AKR1B1: variants seen among roughly 807,000 people sequenced by gnomAD.
The protein encoded by AKR1B1 is aldo-keto reductase family 1 member B1.
A neutral mutation model predicts 40.4 loss-of-function variants in AKR1B1; 22 were observed. The ratio of observed to expected loss-of-function variants is 0.54; its 90% CI spans 0.39 to 0.78. The LOEUF is 0.78. Among genes scored for constraint, AKR1B1 ranks in the 30% least tolerant of loss-of-function variants. The pLI, the probability that AKR1B1 is intolerant of heterozygous loss-of-function variation, is 0.00. For synonymous variants in AKR1B1, 157 were observed against 149.9 expected, an observed-to-expected ratio of 1.05 and a Z score of -0.35; for missense variants, 357 against 396.7, an observed-to-expected ratio of 0.90 and a Z score of 0.85.
chr7:134,454,829 G>A (rs997376803), intron 1 of AKR1B1, among the ~76,000 whole-genome samples: 2 of 152,206 alleles, frequency 1.3e-5, no homozygotes, highest in African/African-American at 2.4e-5. Flanking sequence ...AATCAGGTTT[G>A]GCAGCAGAAA....
chr7:134,447,167 G>A (rs747519163), intron 8 of AKR1B1, 131 bp downstream of exon 8: 46 of 881,488 alleles, frequency 5.2e-5, no homozygotes, highest in African/African-American at 2.3e-4. Flanking sequence ...TGGCTTGCTC[G>A]CCACAGCTCC....
intron 3 of AKR1B1, 112 bp downstream of exon 3, chr7:134,450,674 T>C: frequency 8.3e-6 from 7 of 847,634 alleles, no homozygotes; most frequent in Non-Finnish European, 1.4e-5. Context: ...GGCTATACCT[T>C]GAGCAGCAAG....
At chr7:134,448,156 G>T in intron 6 of AKR1B1, 95 bp from the exon 7 acceptor site, 2 of 1,077,034 alleles carry the variant, frequency 1.9e-6, no homozygotes, top group Non-Finnish European at 2.8e-6. Context: ...ACCTCAGAGG[G>T]CAGCCACCAG....
chr7:134,451,043 G>T, intron 2 of AKR1B1, 141 bp from the exon 3 acceptor site: 1 of 737,080 alleles, frequency 1.4e-6, no homozygotes. Context: ...TTTCCACTGC[G>T]TACTGGATCC....
rs527990403 is a variant in AKR1B1, at chr7:134,453,085, G to A, written c.67-1332C>T. Among the ~76,000 whole-genome samples, 9 of 152,256 alleles carry A rather than the reference G, an allele frequency of 5.9e-5. No homozygotes were observed. In the South Asian group the frequency reaches 8.3e-4, roughly 14 times the overall value. On this transcript the variant is annotated intron_variant, in intron 1 of 9. Transcript: ENST00000285930. ...TTACCACAGGCCCTGAGTGGTGTCC[G>A]GGCACAACCACCACTGATGACAGCA...
chr7:134,457,586 A>G (rs991624968), intron 1 of AKR1B1, among the ~76,000 whole-genome samples: 1 of 152,216 alleles, frequency 6.6e-6, no homozygotes, highest in Non-Finnish European at 1.5e-5. Context: ...AGCAGGTTTT[A>G]GGGTACATGT....
chr7:134,457,040 AG>A (rs1260746548), intron 1 of AKR1B1, among the ~76,000 whole-genome samples: 2 of 151,992 alleles, frequency 1.3e-5, no homozygotes, highest in Non-Finnish European at 2.9e-5. Context: ...TGGGAGGCTG[AG>A]GTATGAGGAC....
rs1562904162 is a variant in AKR1B1 at position 134,442,722 on chromosome 7, A to G, written c.*6T>C. ...GTCACTTGGGGACGAGCAGGCAACC[A>G]CAGCTTCAAAACTCTTCATGGAAGG... is the stretch of plus-strand genomic sequence containing the variant. On this transcript the variant is annotated 3_prime_UTR_variant, in exon 10 of 10. Transcript: ENST00000285930. 6.2e-7 allele frequency: 1 copy of G among 1,614,124 alleles called. No homozygotes were observed. Among genetic ancestry groups the G allele is most frequent in the African/African-American group, 1.3e-5 (1 of 75,062 alleles).
chr7:134,451,458 C>T lies in AKR1B1; in HGVS notation c.234+128G>A, dbSNP rs141972440. ...GAGCCCTGTATGGCCGTGGGTGATA[C>T]GTTTCCCCGGGAAGAATCGCCCATC... On this transcript the variant is annotated intron_variant, in intron 2 of 9. Transcript: ENST00000285930. 56 of 1,204,024 alleles carry T rather than the reference C, an allele frequency of 4.7e-5. 1 individual carries two copies. Among genetic ancestry groups the T allele is most frequent in the Middle Eastern group, 2.7e-4 (1 of 3,718 alleles). The allele number at this position is 1,204,024 out of a possible 1,614,324, so 74.6% of individuals were successfully genotyped here. A position where few individuals can be genotyped will look rare whatever the true frequency, so the allele number is the denominator to read the frequency against.
At chr7:134,454,360 A>G (rs1193877507) in intron 1 of AKR1B1, among the ~76,000 whole-genome samples, 2 of 152,160 alleles carry the variant, frequency 1.3e-5, no homozygotes, top group Non-Finnish European at 2.9e-5. Flanking sequence ...TCCTCCTTTG[A>G]TAACACCGGC....
intron 6 of AKR1B1, 61 bp from the exon 7 acceptor site, chr7:134,448,122 A>G: frequency 7.2e-7 from 1 of 1,396,006 alleles, no homozygotes; most frequent in Non-Finnish European, 1.0e-6. Context: ...GCAGCCAGAA[A>G]CCCCAACCCT....
chr7:134,444,547 A>G (rs908113832), intron 9 of AKR1B1, among the ~76,000 whole-genome samples: 38 of 152,258 alleles, frequency 2.5e-4, no homozygotes, highest in African/African-American at 8.4e-4. Context: ...TCAGACAAGA[A>G]TAAGGGTAGT....
intron 9 of AKR1B1, chr7:134,445,002 G>A (rs1806051745): frequency 4.9e-6 from 3 of 609,694 alleles, no homozygotes; most frequent in Admixed American, 2.7e-5. Flanking sequence ...GTTACTTCAG[G>A]CCAGGCCAAC....
chr7:134,459,128 A>G, upstream of AKR1B1: 1 of 1,545,758 alleles, frequency 6.5e-7, no homozygotes, highest in Non-Finnish European at 8.8e-7. Flanking sequence ...GTACCTTTAA[A>G]TAGCCCGTGA....
chr7:134,449,352 T>C (rs558612717), intron 4 of AKR1B1: 356 of 600,134 alleles, frequency 5.9e-4, no homozygotes, highest in African/African-American at 3.6e-3. Context: ...TTTGGGAGGC[T>C]GAGGCGGGCG....
chr7:134,458,969 C>T (rs1806583135), intron 1 of AKR1B1, 28 bp downstream of exon 1: 2 of 1,595,622 alleles, frequency 1.3e-6, no homozygotes, highest in East Asian at 2.3e-5. Context: ...GAGGCGAGCC[C>T]CGGGCCCGCG....
chr7:134,442,922 CA>C lies in AKR1B1; in HGVS notation c.909-153del. On this transcript the variant is annotated intron_variant, in intron 9 of 9. Transcript: ENST00000285930. ...TCTGAGTGTGCAGATGATGGTTCTG[CA>C]GCTGGGGGAAGCAACTCACCCTCCA... 5 of 771,856 alleles carry C rather than the reference CA, an allele frequency of 6.5e-6. No homozygotes were observed. The South Asian group carries it at 7.7e-5, about 12-fold the overall frequency. 47.8% of individuals were successfully genotyped at this position (771,856 alleles called of 1,614,324 possible).
chr7:134,444,226 G>C (rs1355635658), intron 9 of AKR1B1, among the ~76,000 whole-genome samples: 2 of 152,356 alleles, frequency 1.3e-5, no homozygotes, highest in East Asian at 3.9e-4. Context: ...ATGTCTGAAA[G>C]GGCACTGGCC....
chr7:134,454,371 T>C (rs182652493), intron 1 of AKR1B1, among the ~76,000 whole-genome samples: 1 of 152,346 alleles, frequency 6.6e-6, no homozygotes, highest in East Asian at 1.9e-4. Flanking sequence ...TAACACCGGC[T>C]GGCTAATACC....
Sources: allele counts gnomAD v4.1 joint callset (sites outside exome capture counted in the v4.1 genomes callset), GRCh38; gene constraint gnomAD v4.1.1; transcripts MANE v1.5; gene names NCBI Gene and HGNC (gene_info 2026-07-23, HGNC 2026-07-21).